SUGCT: variants seen among roughly 807,000 people sequenced by gnomAD.
The protein encoded by SUGCT is succinyl-CoA:glutarate-CoA transferase.
Under a neutral mutation model 55.0 loss-of-function variants are expected in SUGCT, and 41 were observed. That is an observed-to-expected ratio of 0.74 (90% CI 0.58 to 0.97). The LOEUF (loss-of-function observed/expected upper bound fraction) is 0.97, where lower values mean the gene tolerates loss of function less well. Among genes scored for constraint, SUGCT ranks in the 50% least tolerant of loss-of-function variants. SUGCT has a pLI of 0.00. For synonymous variants in SUGCT, 187 were observed against 200.4 expected (o/e 0.93, Z 0.56); for missense variants, 568 against 547.8 (o/e 1.04, Z -0.37).
chr7:40,188,452 A>AC (rs1562563128), intron 3 of SUGCT, 43 bp from the exon 4 acceptor site: 40 of 1,350,758 alleles, frequency 3.0e-5, no homozygotes, highest in Non-Finnish European at 3.7e-5. Flanking sequence ...AAAAAAAAAA[A>AC]AAACAAACCC....
chr7:40,317,728 C>G (rs899372605), intron 9 of SUGCT, among the ~76,000 whole-genome samples: 1 of 152,228 alleles, frequency 6.6e-6, no homozygotes, highest in African/African-American at 2.4e-5. Context: ...CCCTGCTAAT[C>G]ATCCTTTTAG....
intron 9 of SUGCT, among the ~76,000 whole-genome samples, chr7:40,363,212 T>G (rs1798239768): frequency 6.6e-6 from 1 of 152,010 alleles, no homozygotes; most frequent in Non-Finnish European, 1.5e-5. Flanking sequence ...TTTTTTTCTT[T>G]ATTAGTCTTG....
chr7:40,505,099 T>A (rs1792513675), intron 12 of SUGCT, among the ~76,000 whole-genome samples: 1 of 152,232 alleles, frequency 6.6e-6, no homozygotes, highest in African/African-American at 2.4e-5. Context: ...CCTTTGTCTG[T>A]CTTACCAGTA....
intron 12 of SUGCT, among the ~76,000 whole-genome samples, chr7:40,621,392 G>T (rs562383623): frequency 1.3e-5 from 2 of 152,320 alleles, no homozygotes; most frequent in South Asian, 4.2e-4. Flanking sequence ...TTAGAGCTGA[G>T]ATGCTGAGCT....
chr7:40,295,911 C>T (rs1261520673), intron 8 of SUGCT, among the ~76,000 whole-genome samples: 1 of 152,180 alleles, frequency 6.6e-6, no homozygotes, highest in Non-Finnish European at 1.5e-5. Flanking sequence ...AGTGTAGGTG[C>T]TGCTGATGGC....
intron 12 of SUGCT, among the ~76,000 whole-genome samples, chr7:40,694,035 G>A (rs1366105438): frequency 6.6e-6 from 1 of 152,166 alleles, no homozygotes; most frequent in Non-Finnish European, 1.5e-5. Flanking sequence ...GATATTTCTT[G>A]TAGTGCATTT....
At chr7:40,885,391 G>A in the SUGCT span, among the ~76,000 whole-genome samples, 6 of 152,118 alleles carry the variant, frequency 3.9e-5, no homozygotes, top group South Asian at 8.3e-4. Context: ...AAAATAAAAC[G>A]GGCCTATATT....
chr7:40,962,383 A>G, the SUGCT span, among the ~76,000 whole-genome samples: 1 of 152,078 alleles, frequency 6.6e-6, no homozygotes, highest in Non-Finnish European at 1.5e-5. Context: ...CCAAGTCCCC[A>G]CCTGACCCAG....
intron 13 of SUGCT, among the ~76,000 whole-genome samples, chr7:40,828,078 T>C (rs1459842431): frequency 6.6e-6 from 1 of 152,082 alleles, no homozygotes; most frequent in African/African-American, 2.4e-5. Context: ...AATCCAAACA[T>C]TGCCTGTTCG....
At chr7:40,812,794 CT>C (rs1791488801) in intron 13 of SUGCT, among the ~76,000 whole-genome samples, 1 of 151,968 alleles carries the variant, frequency 6.6e-6, no homozygotes, top group Non-Finnish European at 1.5e-5. Context: ...TCTACTTCCT[CT>C]AGGTGTGAGA....
chr7:41,000,446 A>G, the SUGCT span, among the ~76,000 whole-genome samples: 2 of 152,124 alleles, frequency 1.3e-5, no homozygotes, highest in African/African-American at 2.4e-5. Context: ...CAGTTCTTCA[A>G]TTGTAAGCAA....
the SUGCT span, among the ~76,000 whole-genome samples, chr7:40,963,785 A>T: frequency 6.6e-6 from 1 of 152,160 alleles, no homozygotes; most frequent in Non-Finnish European, 1.5e-5. Context: ...AGTAGTTGCA[A>T]ATCATCAAGA....
Position 40,333,704 on chromosome 7 carries a change from A to AT in SUGCT, c.816+16849_816+16850insT, listed in dbSNP as rs1562689549. 6.7e-3 allele frequency among the ~76,000 whole-genome samples: 768 copies of AT among 113,822 alleles called. 13 individuals carry two copies. The highest frequency in any genetic ancestry group is 0.012 in the Non-Finnish European group (661 of 53,090). 74.7% of individuals were successfully genotyped at this position (113,822 alleles called of 152,430 possible). A position where few individuals can be genotyped will look rare whatever the true frequency, so the allele number is the denominator to read the frequency against. ...ATATATATATATATATATATATATAAATATTTATAAAATACACACATATAT... is the reference window on the plus strand; with the variant it reads ...ATATATATATATATATATATATATAATATATTTATAAAATACACACATATAT... On this transcript the variant is annotated intron_variant, in intron 9 of 13. Transcript: ENST00000335693.
chr7:40,166,046 C>T (rs1197879629), intron 1 of SUGCT, among the ~76,000 whole-genome samples: 2 of 152,242 alleles, frequency 1.3e-5, no homozygotes, highest in East Asian at 1.9e-4. Flanking sequence ...CACTTGAACC[C>T]GGGAGGTGGA....
chr7:40,387,306 C>A (rs1350507641), intron 9 of SUGCT, among the ~76,000 whole-genome samples: 1 of 152,084 alleles, frequency 6.6e-6, no homozygotes, highest in Non-Finnish European at 1.5e-5. Context: ...GGTCTGATTT[C>A]TTTACCATGG....
At chr7:40,574,771 C>T (rs1796634697) in intron 12 of SUGCT, among the ~76,000 whole-genome samples, 1 of 152,162 alleles carries the variant, frequency 6.6e-6, no homozygotes, top group South Asian at 2.1e-4. Flanking sequence ...TATGAATCAG[C>T]TTCCTACTTT....
the SUGCT span, among the ~76,000 whole-genome samples, chr7:41,031,472 T>C: frequency 2.0e-5 from 3 of 152,198 alleles, no homozygotes; most frequent in Admixed American, 6.5e-5. Flanking sequence ...TCCACAGTGG[T>C]AAAAATAGTC....
At chr7:40,840,180 T>C (rs1162924543) in intron 13 of SUGCT, among the ~76,000 whole-genome samples, 2 of 152,036 alleles carry the variant, frequency 1.3e-5, no homozygotes, top group Non-Finnish European at 2.9e-5. Flanking sequence ...GTAGGGCTCG[T>C]TATCTAAATT....
At chr7:40,666,183 C>T (rs931224024) in intron 12 of SUGCT, among the ~76,000 whole-genome samples, 1 of 151,788 alleles carries the variant, frequency 6.6e-6, no homozygotes, top group Admixed American at 6.6e-5. Flanking sequence ...AACCCTGTCT[C>T]TACTAAAAAT....
Sources: allele counts gnomAD v4.1 joint callset (sites outside exome capture counted in the v4.1 genomes callset), GRCh38; gene constraint gnomAD v4.1.1; transcripts MANE v1.5; gene names NCBI Gene and HGNC (gene_info 2026-07-23, HGNC 2026-07-21).